TMEM230: variants seen among roughly 807,000 people sequenced by gnomAD.
TMEM230 encodes UPF0414 transmembrane protein C20orf30.
A neutral mutation model predicts 15.8 loss-of-function variants in TMEM230; 10 were observed. That is an observed-to-expected ratio of 0.63 (90% CI 0.39 to 1.07). TMEM230 has a LOEUF of 1.07. TMEM230 is among the 50% of genes least tolerant of loss of function. TMEM230 has a pLI of 0.01. For synonymous variants in TMEM230, 67 were observed against 76.9 expected, an observed-to-expected ratio of 0.87 and a Z score of 0.68; for missense variants, 165 against 193.3, an observed-to-expected ratio of 0.85 and a Z score of 0.87.
chr20:5,075,607 C>A (rs2088966464), intron 3 of TMEM230, among the ~76,000 whole-genome samples: 1 of 151,338 alleles, frequency 6.6e-6, no homozygotes, highest in African/African-American at 2.4e-5. Flanking sequence ...CGCCTATAAT[C>A]CCAGCTACTC....
Position 5,068,940 on chromosome 20 carries a change from C to T in TMEM230, c.*248G>A, listed in dbSNP as rs369877079. ...CTACCCTCAGGAACAGAGGTGGGGCCATGGGGAGTGGTCTGCGCCATTCTC... is the reference window on the plus strand; with the variant it reads ...CTACCCTCAGGAACAGAGGTGGGGCTATGGGGAGTGGTCTGCGCCATTCTC... On this transcript the variant is annotated 3_prime_UTR_variant, in exon 4 of 4. Transcript: ENST00000612323. The T allele has an allele frequency of 1.5e-3, 624 of 420,850 alleles. 4 individuals are homozygous for T. Among genetic ancestry groups the T allele is most frequent in the African/African-American group, 0.011 (538 of 48,554 alleles). The allele number at this position is 420,850 out of a possible 1,614,324, so 26.1% of individuals were successfully genotyped here.
At chr20:5,066,780 C>T (rs997147581), downstream of TMEM230, among the ~76,000 whole-genome samples, 1 of 152,020 alleles carries the variant, frequency 6.6e-6, no homozygotes, top group South Asian at 2.1e-4. Flanking sequence ...TTGGGTCAGA[C>T]AGAACTTCGC....
In TMEM230 at chr20:5,109,436, G is replaced by A. The variant is rs145815993; in HGVS notation, c.184C>T (p.Arg62Cys). The change falls in exon 3 of 5, where the codon CGT becomes TGT. Residue 62 changes from arginine to cysteine, a missense_variant. Coordinates refer to ENST00000342308, the MANE Select transcript of TMEM230 (RefSeq NM_001009923.2). Reference sequence around the variant, plus strand: ...TTGGTACGGGACGGCATCATAACACGCTGACACAGCTACAGTTTAAAAACA... The same window carrying A: ...TTGGTACGGGACGGCATCATAACACACTGACACAGCTACAGTTTAAAAACA... The A allele has an allele frequency of 4.3e-5, 70 of 1,613,048 alleles. No individual in the cohort carries two copies. The African/African-American group carries it at 8.1e-4, about 19-fold the overall frequency.
chr20:5,103,457 C>T (rs1166467246), intron 4 of TMEM230, among the ~76,000 whole-genome samples: 1 of 151,336 alleles, frequency 6.6e-6, no homozygotes, highest in Non-Finnish European at 1.5e-5. Context: ...TCTAGGAGTT[C>T]GAGATCAGCC....
intron 3 of TMEM230, among the ~76,000 whole-genome samples, chr20:5,075,781 C>A (rs966620972): frequency 6.6e-6 from 1 of 151,948 alleles, no homozygotes; most frequent in Non-Finnish European, 1.5e-5. Flanking sequence ...AGGGGCCCAA[C>A]CTCATGACAT....
chr20:5,099,235 TCAATCAATC>T (rs1406435024), downstream of TMEM230, among the ~76,000 whole-genome samples: 3 of 33,374 alleles, frequency 9.0e-5, no homozygotes, highest in South Asian at 1.0e-3. Context: ...AATAAATAAA[TCAATCAATC>T]AATAATAAAT....
At chr20:5,063,499 GGC>G (rs2088625607), downstream of TMEM230, among the ~76,000 whole-genome samples, 1 of 151,800 alleles carries the variant, frequency 6.6e-6, no homozygotes, top group Non-Finnish European at 1.5e-5. Context: ...ATATTGGCTG[GGC>G]TGGTCTCGAA....
At chr20:5,087,675 A>C (rs1400045202) in intron 3 of TMEM230, among the ~76,000 whole-genome samples, 1 of 146,800 alleles carries the variant, frequency 6.8e-6, no homozygotes, top group Non-Finnish European at 1.5e-5. Context: ...AAATCTGGTA[A>C]ATAGGCCAAA....
intron 2 of TMEM230, 117 bp from the exon 2 acceptor site, chr20:5,109,562 C>G: frequency 2.6e-6 from 2 of 780,452 alleles, no homozygotes; most frequent in South Asian, 1.6e-5. Flanking sequence ...CCATGTCAGA[C>G]TAGCAATGGG....
At chr20:5,063,516 T>C (rs2088625771), downstream of TMEM230, among the ~76,000 whole-genome samples, 1 of 152,020 alleles carries the variant, frequency 6.6e-6, no homozygotes, top group Non-Finnish European at 1.5e-5. Context: ...CTCGAACTTC[T>C]GACCTCAAGT....
At chr20:5,086,827 G>A (rs1326100834) in intron 3 of TMEM230, among the ~76,000 whole-genome samples, 1 of 151,490 alleles carries the variant, frequency 6.6e-6, no homozygotes, top group Non-Finnish European at 1.5e-5. Context: ...AGCCTCCCAA[G>A]TAGCTGGGAC....
intron 1 of TMEM230, chr20:5,111,680 TAAA>T (rs1321430625): frequency 4.3e-6 from 1 of 231,742 alleles, no homozygotes; most frequent in Non-Finnish European, 5.6e-6. Flanking sequence ...AAGGGCAACA[TAAA>T]AAAAGGACTA....
chr20:5,065,539 G>A (rs963212796), downstream of TMEM230, among the ~76,000 whole-genome samples: 3 of 152,210 alleles, frequency 2.0e-5, no homozygotes, highest in African/African-American at 7.2e-5. Context: ...GGGAGAAGTG[G>A]CTGTGAGTGG....
intron 1 of TMEM230, chr20:5,111,657 T>A: frequency 1.1e-5 from 2 of 174,172 alleles, no homozygotes; most frequent in Non-Finnish European, 1.9e-5. Context: ...ATTCAGTATT[T>A]CAATAAGGGC....
chr20:5,104,611 G>A (rs928867427), intron 4 of TMEM230, among the ~76,000 whole-genome samples: 3 of 152,164 alleles, frequency 2.0e-5, no homozygotes, highest in Non-Finnish European at 4.4e-5. Context: ...CCAAGATCTG[G>A]AAGCAACCAA....
chr20:5,087,040 AT>A (rs1268227892), intron 3 of TMEM230, among the ~76,000 whole-genome samples: 1 of 151,970 alleles, frequency 6.6e-6, no homozygotes. Context: ...TGCTCAGCTA[AT>A]TTTTGATTTT....
intron 3 of TMEM230, among the ~76,000 whole-genome samples, chr20:5,082,234 TTCTCTCTCTCTC>T (rs59648052): frequency 1.3e-5 from 2 of 149,000 alleles, no homozygotes; most frequent in African/African-American, 2.5e-5. Flanking sequence ...CTCTCTCTCT[TTCTCTCTCTCTC>T]TCTCTCTTTT....
At chr20:5,109,298 C>T (rs1317654766) in intron 3 of TMEM230, 34 bp downstream of exon 2, 3 of 1,542,432 alleles carry the variant, frequency 1.9e-6, no homozygotes, top group Non-Finnish European at 2.7e-6. Context: ...AGAAACACAG[C>T]CAGTCAGTCT....
chr20:5,073,594 G>C (rs982330581), intron 3 of TMEM230, among the ~76,000 whole-genome samples: 1 of 152,210 alleles, frequency 6.6e-6, no homozygotes, highest in African/African-American at 2.4e-5. Context: ...TGCCAGCTCA[G>C]ACGCCAGAGA....
Sources: gnomAD v4.1 joint callset for allele counts (sites outside exome capture counted in the v4.1 genomes callset) on GRCh38, gnomAD v4.1.1 for gene constraint, MANE v1.5 for transcripts, NCBI Gene and HGNC (gene_info 2026-07-23, HGNC 2026-07-21) for gene names.